The following GRM8 variants were observed in gnomAD, a reference collection of about 807,000 sequenced individuals.
GRM8 encodes glutamate metabotropic receptor 8.
GRM8 carries 47 observed loss-of-function variants against 87.2 expected under a neutral mutation model. That is an observed-to-expected ratio of 0.54 (90% confidence interval 0.43 to 0.69). The LOEUF (loss-of-function observed/expected upper bound fraction) is 0.69, where lower values mean the gene tolerates loss of function less well. Among genes scored for constraint, GRM8 ranks in the 30% least tolerant of loss-of-function variants. The probability of loss-of-function intolerance (pLI) is 0.00; values close to 1 mark genes in which losing one functional copy is unlikely to be tolerated. For synonymous variants in GRM8, 396 were observed against 404.5 expected (o/e 0.98, Z 0.25); for missense variants, 1,019 against 1,139.2 (o/e 0.89, Z 1.52).
intron 1 of GRM8, among the ~76,000 whole-genome samples, chr7:127,250,652 G>A (rs10270765): frequency 0.32 from 48,687 of 152,022 alleles, 9,726 homozygotes; most frequent in African/African-American, 0.55. Flanking sequence ...CAAGCCACAC[G>A]TTTTCAAGAA....
chr7:126,636,010 T>G (rs532761013), intron 7 of GRM8, among the ~76,000 whole-genome samples: 4 of 152,260 alleles, frequency 2.6e-5, no homozygotes, highest in Admixed American at 2.6e-4. Context: ...ATGTATTTTT[T>G]CAATTCATAA....
intron 7 of GRM8, among the ~76,000 whole-genome samples, chr7:126,642,498 G>A (rs1399281655): frequency 6.6e-6 from 1 of 152,056 alleles, no homozygotes; most frequent in Non-Finnish European, 1.5e-5. Context: ...ACATTAGCCG[G>A]GAGTGCTGGC....
At chr7:127,074,736 T>C (rs1822085428) in intron 3 of GRM8, among the ~76,000 whole-genome samples, 1 of 152,204 alleles carries the variant, frequency 6.6e-6, no homozygotes, top group African/African-American at 2.4e-5. Flanking sequence ...GCCTTCTATA[T>C]GCTCACCACT....
chr7:126,538,882 T>A (rs1816187038), intron 8 of GRM8, among the ~76,000 whole-genome samples: 1 of 152,066 alleles, frequency 6.6e-6, no homozygotes. Context: ...GCACAGTTAA[T>A]CTGATAACAG....
chr7:126,496,605 C>G (rs1375114279), intron 9 of GRM8, among the ~76,000 whole-genome samples: 1 of 151,660 alleles, frequency 6.6e-6, no homozygotes, highest in Non-Finnish European at 1.5e-5. Flanking sequence ...TTTTTGCCAT[C>G]GTTTTTTACT....
At chr7:126,617,112 C>T (rs1409918987) in intron 7 of GRM8, among the ~76,000 whole-genome samples, 3 of 152,066 alleles carry the variant, frequency 2.0e-5, no homozygotes, top group Non-Finnish European at 2.9e-5. Context: ...ATGAACATCG[C>T]TGTGAAAATT....
chr7:126,572,896 G>A (rs904147659), intron 8 of GRM8, among the ~76,000 whole-genome samples: 1 of 152,150 alleles, frequency 6.6e-6, no homozygotes, highest in East Asian at 1.9e-4. Context: ...GACCCACAAA[G>A]ATAATGAAGA....
At chr7:126,736,473 A>C (rs1814240485) in intron 7 of GRM8, among the ~76,000 whole-genome samples, 1 of 152,034 alleles carries the variant, frequency 6.6e-6, no homozygotes, top group African/African-American at 2.4e-5. Context: ...GTTATTCATT[A>C]ATTACCTTGG....
chr7:126,820,865 C>T (rs780755213), intron 6 of GRM8, among the ~76,000 whole-genome samples: 4 of 152,224 alleles, frequency 2.6e-5, no homozygotes, highest in Non-Finnish European at 5.9e-5. Context: ...CTTTGAGAGG[C>T]CAAGGTGGGC....
Position 126,685,996 on chromosome 7 carries a change from G to A in GRM8, c.1358-76498C>T, listed in dbSNP as rs1308185349. ...CCTCTGAGGCCCATAAAAACCCCCA[G>A]ACTCAGCCAGACTCAAGCAGAGGAC... is the stretch of plus-strand genomic sequence containing the variant. On this transcript the variant is annotated intron_variant, in intron 7 of 10. Transcript: ENST00000339582. This position sits in a 1 kb window ranked among gnomAD's most constrained non-coding sequence, Gnocchi z 4.2. Among the ~76,000 whole-genome samples the A allele has an allele frequency of 6.6e-6, 1 of 151,628 alleles. No individual in the cohort carries two copies. The highest frequency in any genetic ancestry group is 2.0e-4 in the East Asian group (1 of 5,064).
At chr7:127,115,760 T>G (rs577148086) in intron 2 of GRM8, among the ~76,000 whole-genome samples, 2 of 152,206 alleles carry the variant, frequency 1.3e-5, no homozygotes, top group Non-Finnish European at 1.5e-5. Context: ...TGTGGGGATT[T>G]TTAAGCCTAA....
chr7:126,495,139 G>T (rs1441817213), intron 9 of GRM8, among the ~76,000 whole-genome samples: 3 of 151,952 alleles, frequency 2.0e-5, no homozygotes, highest in Non-Finnish European at 4.4e-5. Flanking sequence ...CAGGTCCAAG[G>T]CTAAGAGGTC....
chr7:126,991,315 G>C (rs1055342027), intron 3 of GRM8, among the ~76,000 whole-genome samples: 2 of 152,080 alleles, frequency 1.3e-5, no homozygotes, highest in African/African-American at 4.8e-5. Context: ...CTTTGTTTTA[G>C]TCAGAAGCAT....
At chr7:126,992,371 TC>T (rs1423621407) in intron 3 of GRM8, among the ~76,000 whole-genome samples, 1 of 152,114 alleles carries the variant, frequency 6.6e-6, no homozygotes, top group Non-Finnish European at 1.5e-5. Context: ...ATCTTAAAAA[TC>T]TACAAAAAGC....
intron 2 of GRM8, among the ~76,000 whole-genome samples, chr7:127,149,687 T>G (rs961892732): frequency 4.6e-5 from 7 of 152,012 alleles, no homozygotes; most frequent in African/African-American, 1.4e-4. Flanking sequence ...GACAGATGGC[T>G]TAAGAAACCG....
intron 6 of GRM8, among the ~76,000 whole-genome samples, chr7:126,848,392 CA>C (rs1796901270): frequency 6.6e-6 from 1 of 151,972 alleles, no homozygotes; most frequent in Non-Finnish European, 1.5e-5. Flanking sequence ...CACTTAGCAC[CA>C]AAAAATGTAA....
intron 3 of GRM8, among the ~76,000 whole-genome samples, chr7:127,047,171 A>T (rs964084857): frequency 1.3e-5 from 2 of 152,214 alleles, no homozygotes; most frequent in African/African-American, 4.8e-5. Context: ...AGCCACACCC[A>T]TCTGATAACA....
intron 3 of GRM8, among the ~76,000 whole-genome samples, chr7:127,075,425 C>T (rs144771564): frequency 1.8e-3 from 267 of 152,126 alleles, no homozygotes; most frequent in African/African-American, 6.0e-3. Context: ...GATAGAAATA[C>T]ACTAAAATAT....
intron 7 of GRM8, among the ~76,000 whole-genome samples, chr7:126,675,684 C>T (rs940239170): frequency 1.3e-5 from 2 of 152,092 alleles, no homozygotes; most frequent in African/African-American, 4.8e-5. Flanking sequence ...TTTCTAAAAT[C>T]CAGCCTCCCT....
Sources: gnomAD v4.1 joint callset for allele counts (sites outside exome capture counted in the v4.1 genomes callset) on GRCh38, gnomAD v4.1.1 for gene constraint, Gnocchi (gnomAD v3.1) non-coding constraint, MANE v1.5 for transcripts, NCBI Gene and HGNC (gene_info 2026-07-23, HGNC 2026-07-21) for gene names.